The following SIM1 variants were observed in gnomAD, a reference collection of about 807,000 sequenced individuals.
The protein encoded by SIM1 is SIM bHLH transcription factor 1.
A neutral mutation model predicts 78.2 loss-of-function variants in SIM1; 18 were observed. The observed-to-expected ratio is 0.23, with a 90% CI of 0.16 to 0.34. The LOEUF (loss-of-function observed/expected upper bound fraction) is 0.34, where lower values mean the gene tolerates loss of function less well. Ranked by LOEUF, SIM1 falls within the 10% of genes least tolerant of loss-of-function variation. SIM1 has a pLI of 1.00. For synonymous variants in SIM1, 417 were observed against 385.2 expected, an observed-to-expected ratio of 1.08 and a Z score of -0.97; for missense variants, 939 against 975.1, an observed-to-expected ratio of 0.96 and a Z score of 0.49.
At chr6:100,409,550 A>G (rs1157172681) in intron 10 of SIM1, among the ~76,000 whole-genome samples, 3 of 151,960 alleles carry the variant, frequency 2.0e-5, no homozygotes, top group African/African-American at 7.2e-5. Context: ...CTCCTGCTCC[A>G]ATCTTTATTA....
At chr6:100,443,095 G>A (rs2114533766) in intron 9 of SIM1, among the ~76,000 whole-genome samples, 1 of 151,984 alleles carries the variant, frequency 6.6e-6, no homozygotes, top group South Asian at 2.1e-4. Flanking sequence ...AGGAAGTACT[G>A]TATGTCACCT....
chr6:100,418,239 C>G (rs1009682192), intron 10 of SIM1, among the ~76,000 whole-genome samples: 3 of 151,822 alleles, frequency 2.0e-5, no homozygotes, highest in African/African-American at 7.3e-5. Context: ...GTAGTGCCAG[C>G]TACTTAGAAA....
intron 9 of SIM1, among the ~76,000 whole-genome samples, chr6:100,432,672 GT>G (rs1404673463): frequency 6.6e-6 from 1 of 152,008 alleles, no homozygotes; most frequent in Non-Finnish European, 1.5e-5. Flanking sequence ...TAGCTGCAGG[GT>G]TTAGTCTTCA....
chr6:100,402,803 C>G (rs946541158), intron 10 of SIM1, among the ~76,000 whole-genome samples: 1 of 152,110 alleles, frequency 6.6e-6, no homozygotes, highest in Non-Finnish European at 1.5e-5. Context: ...GTCTCGATCT[C>G]CTGACCTCGT....
intron 10 of SIM1, among the ~76,000 whole-genome samples, chr6:100,419,185 C>A (rs151140248): frequency 0.015 from 2,230 of 152,210 alleles, 20 homozygotes; most frequent in Non-Finnish European, 0.021. Context: ...GAAGAAGAAG[C>A]AGCTTCTTCT....
rs369749576 is a variant in SIM1 at position 100,390,583 on chromosome 6, A to T, written c.2079T>A (p.Thr693=). 1.9e-5 allele frequency: 30 copies of T among 1,614,090 alleles called. No homozygotes were observed. Among genetic ancestry groups the T allele is most frequent in the Admixed American group, 1.2e-4 (7 of 59,996 alleles). The change falls in exon 12 of 12, where the codon ACT becomes ACA. Residue 693 remains threonine, a synonymous_variant. Coordinates refer to ENST00000369208, the MANE Select transcript of SIM1 (RefSeq NM_005068.3). ...GAGAGCCAAAGCAGTTTGGAGAGAC[A>T]GTAGGGTGGTCTCCTGCTGTCTGAT... ...SPHQTAGDHP[T]VSPNCFGSHR... is the part of the protein sequence containing the mutation.
In SIM1 at chr6:100,388,515, T is replaced by C. The variant is rs1291108469; in HGVS notation, c.*1846A>G. ...CACAAATGTTAACATTATTTAATTT[T>C]ATGTAGCCTCTCCTTTCATATACAA... On this transcript the variant is annotated 3_prime_UTR_variant, in exon 12 of 12. Transcript: ENST00000369208. The C allele has an allele frequency of 6.6e-6, 1 of 152,238 alleles. No individual in the cohort carries two copies. Among genetic ancestry groups the C allele is most frequent in the Admixed American group, 6.5e-5 (1 of 15,274 alleles). The allele number at this position is 152,238 out of a possible 1,614,324, so 9.4% of individuals were successfully genotyped here.
intron 10 of SIM1, among the ~76,000 whole-genome samples, chr6:100,412,801 G>A (rs1398881085): frequency 6.6e-6 from 1 of 151,870 alleles, no homozygotes; most frequent in Non-Finnish European, 1.5e-5. Flanking sequence ...AGGAAGGAAG[G>A]ACGGACGGAC....
Position 100,386,139 on chromosome 6 carries a change from T to C in SIM1, c.*4222A>G, listed in dbSNP as rs896843302. 3 of 152,076 alleles carry C rather than the reference T, an allele frequency of 2.0e-5. No individual in the cohort carries two copies. The highest frequency in any genetic ancestry group is 3.8e-4 in the East Asian group (2 of 5,198). The allele number at this position is 152,076 out of a possible 1,614,324, so 9.4% of individuals were successfully genotyped here. A position where few individuals can be genotyped will look rare whatever the true frequency, so the allele number is the denominator to read the frequency against. ...TTGGAGGACCATAGGATTTACATTC[T>C]TTTTAAAATCATTATGAAAACAGGA... On this transcript the variant is annotated 3_prime_UTR_variant, in exon 12 of 12. Transcript: ENST00000369208.
chr6:100,387,330 T>A lies in SIM1; in HGVS notation c.*3031A>T, dbSNP rs1325444623. 6.6e-6 allele frequency: 1 copy of A among 152,092 alleles called. No individual in the cohort carries two copies. Among genetic ancestry groups the A allele is most frequent in the Non-Finnish European group, 1.5e-5 (1 of 67,946 alleles). The allele number at this position is 152,092 out of a possible 1,614,324, so 9.4% of individuals were successfully genotyped here. Reference sequence around the variant, plus strand: ...ATATTAAGTTTAACTGATTAAATTATCGGGAACGTAGTTATTTTATATACT... The same window carrying A: ...ATATTAAGTTTAACTGATTAAATTAACGGGAACGTAGTTATTTTATATACT... On this transcript the variant is annotated 3_prime_UTR_variant, in exon 12 of 12. Transcript: ENST00000369208.
chr6:100,449,104 C>A (rs897613872), intron 6 of SIM1, among the ~76,000 whole-genome samples: 3 of 152,202 alleles, frequency 2.0e-5, no homozygotes, highest in Non-Finnish European at 4.4e-5. Context: ...CCTTAAGGCC[C>A]ATCTCTACGG....
intron 2 of SIM1, chr6:100,462,965 A>T: frequency 4.5e-6 from 1 of 223,514 alleles, no homozygotes; most frequent in Non-Finnish European, 8.7e-6. Context: ...CAAGAGGAGT[A>T]AAAAAGAAAG....
chr6:100,406,021 A>T (rs558353402), intron 10 of SIM1, among the ~76,000 whole-genome samples: 33 of 152,320 alleles, frequency 2.2e-4, no homozygotes, highest in African/African-American at 7.7e-4. Context: ...ATTGCACTGA[A>T]TATTTTAATC....
intron 2 of SIM1, among the ~76,000 whole-genome samples, chr6:100,454,833 A>T (rs1007156263): frequency 1.3e-5 from 2 of 152,202 alleles, no homozygotes; most frequent in African/African-American, 4.8e-5. Flanking sequence ...AAAAACAAAG[A>T]AGGCAAAAAA....
intron 10 of SIM1, among the ~76,000 whole-genome samples, chr6:100,401,797 T>A (rs1402795021): frequency 6.6e-6 from 1 of 152,226 alleles, no homozygotes; most frequent in Non-Finnish European, 1.5e-5. Flanking sequence ...AAGCCCTTTT[T>A]TAAACAACAT....
chr6:100,433,146 T>C (rs1343256873), intron 9 of SIM1, among the ~76,000 whole-genome samples: 3 of 152,176 alleles, frequency 2.0e-5, no homozygotes, highest in Non-Finnish European at 4.4e-5. Context: ...CCACCATCCA[T>C]ACTCTCCAAA....
intron 4 of SIM1, 124 bp downstream of exon 4, chr6:100,450,143 C>G (rs1372606276): frequency 1.3e-6 from 1 of 763,598 alleles, no homozygotes; most frequent in African/African-American, 1.7e-5. Context: ...AGTCTTCCTG[C>G]TAGCTGTGAG....
rs1306678777 is a variant in SIM1, at chr6:100,386,326, C to T, written c.*4035G>A. 6.6e-6 allele frequency: 1 copy of T among 151,976 alleles called. No homozygotes were observed. Among genetic ancestry groups the T allele is most frequent in the African/African-American group, 2.4e-5 (1 of 41,420 alleles). The allele number at this position is 151,976 out of a possible 1,614,324, so 9.4% of individuals were successfully genotyped here. ...GTCAAATGCTCAATTTTCCAAATATCAGCATTCACTCTGTCACTTCTAAAT... is the reference window on the plus strand; with the variant it reads ...GTCAAATGCTCAATTTTCCAAATATTAGCATTCACTCTGTCACTTCTAAAT... On this transcript the variant is annotated 3_prime_UTR_variant, in exon 12 of 12. Coordinates refer to ENST00000369208, the MANE Select transcript of SIM1 (RefSeq NM_005068.3).
intron 10 of SIM1, among the ~76,000 whole-genome samples, chr6:100,395,114 C>T (rs927638687): frequency 2.6e-5 from 4 of 152,114 alleles, no homozygotes; most frequent in Admixed American, 2.0e-4. Flanking sequence ...TCACAAGCCA[C>T]TAAAATCAGT....
Sources: gnomAD v4.1 joint callset for allele counts (sites outside exome capture counted in the v4.1 genomes callset) on GRCh38, gnomAD v4.1.1 for gene constraint, MANE v1.5 for transcripts, NCBI Gene and HGNC (gene_info 2026-07-23, HGNC 2026-07-21) for gene names.